The following MGST1 variants were observed in gnomAD, a reference collection of about 807,000 sequenced individuals.
MGST1 encodes glutathione S-transferase 12.
Under a neutral mutation model 8.9 loss-of-function variants are expected in MGST1, and 5 were observed. The ratio of observed to expected loss-of-function variants is 0.56; its 90% CI spans 0.29 to 1.19. MGST1 has a LOEUF of 1.19. Among genes scored for constraint, MGST1 ranks in the 50% most tolerant of loss-of-function variants. The pLI, the probability that MGST1 is intolerant of heterozygous loss-of-function variation, is 0.08. For missense variants in MGST1, 182 were observed against 187.4 expected, an observed-to-expected ratio of 0.97 and a Z score of 0.17; for synonymous variants, 54 against 67.8, an observed-to-expected ratio of 0.80 and a Z score of 1.00.
intron 1 of MGST1, among the ~76,000 whole-genome samples, chr12:16,393,792 G>A (rs1940574381): frequency 6.6e-6 from 1 of 152,126 alleles, no homozygotes; most frequent in Non-Finnish European, 1.5e-5. Flanking sequence ...CACCAGGAAT[G>A]TATTTAAACT....
At chr12:16,499,902 G>A (rs1941494526) in intron 4 of MGST1, among the ~76,000 whole-genome samples, 1 of 151,988 alleles carries the variant, frequency 6.6e-6, no homozygotes, top group African/African-American at 2.4e-5. Context: ...GTTTAGTAGT[G>A]CATGTTTTTA....
chr12:16,482,492 G>A lies in MGST1; in HGVS notation n.482+98888G>A, dbSNP rs896262645. 2.6e-5 allele frequency among the ~76,000 whole-genome samples: 4 copies of A among 152,046 alleles called. No homozygotes were observed. The highest frequency in any genetic ancestry group is 2.9e-5 in the Non-Finnish European group (2 of 67,996). ...CTAAAAATACAAAAATTAGCCAGGCGCAGTGGCAGGCGCCTGTAATCCTAG... is the reference window on the plus strand; with the variant it reads ...CTAAAAATACAAAAATTAGCCAGGCACAGTGGCAGGCGCCTGTAATCCTAG... On this transcript the variant is annotated intron_variant and non_coding_transcript_variant, in intron 4 of 4. Transcript: ENST00000538857. The surrounding 1 kb of genome is among the most constrained non-coding windows in gnomAD (Gnocchi z 4.2).
chr12:16,407,980 C>T (rs373002919), intron 1 of MGST1, among the ~76,000 whole-genome samples: 1 of 131,610 alleles, frequency 7.6e-6, no homozygotes, highest in Non-Finnish European at 1.5e-5. Flanking sequence ...TGCAGTGAGT[C>T]GAGATCACGC....
At chr12:16,378,627 C>T (rs1311560856), downstream of MGST1, among the ~76,000 whole-genome samples, 329 of 141,942 alleles carry the variant, frequency 2.3e-3, 4 homozygotes, top group African/African-American at 8.0e-3. Flanking sequence ...CTTGGCGATG[C>T]GGGCTCTTTT....
rs1223389094 is a variant in MGST1, at chr12:16,585,091, C to T, written n.483-4437C>T. Among the ~76,000 whole-genome samples the T allele has an allele frequency of 2.6e-5, 4 of 152,006 alleles. No homozygotes were observed. Among genetic ancestry groups the T allele is most frequent in the African/African-American group, 9.7e-5 (4 of 41,390 alleles). ...TCCAGAAAAATCAGCAACATTAGGCCCACATTCGTACAGTGTGCTGGAATT... is the reference window on the plus strand; with the variant it reads ...TCCAGAAAAATCAGCAACATTAGGCTCACATTCGTACAGTGTGCTGGAATT... On this transcript the variant is annotated intron_variant and non_coding_transcript_variant, in intron 4 of 4. Coordinates refer to the MGST1 transcript ENST00000538857. The surrounding 1 kb of genome is among the most constrained non-coding windows in gnomAD (Gnocchi z 4.7).
intron 1 of MGST1, among the ~76,000 whole-genome samples, chr12:16,404,178 C>A (rs1485855572): frequency 6.6e-6 from 1 of 152,062 alleles, no homozygotes; most frequent in Admixed American, 6.6e-5. Context: ...ACCTTTTGTC[C>A]TAACAACTTG....
chr12:16,354,976 T>C (rs1939645377), intron 2 of MGST1, among the ~76,000 whole-genome samples: 1 of 152,046 alleles, frequency 6.6e-6, no homozygotes, highest in African/African-American at 2.4e-5. Flanking sequence ...AGACAGATTC[T>C]GAAGCACATA....
intron 4 of MGST1, among the ~76,000 whole-genome samples, chr12:16,507,096 G>A (rs1591747443): frequency 6.6e-6 from 1 of 152,308 alleles, no homozygotes; most frequent in South Asian, 2.1e-4. Context: ...CAGCCTGGGA[G>A]AGTAGGGAGG....
intron 1 of MGST1, chr12:16,400,139 A>T: frequency 6.9e-7 from 1 of 1,453,056 alleles, no homozygotes; most frequent in Non-Finnish European, 9.7e-7. Context: ...TGCTCAGCAT[A>T]GAGGTCATCT....
chr12:16,507,931 T>C (rs1350227064), intron 4 of MGST1, among the ~76,000 whole-genome samples: 4 of 152,294 alleles, frequency 2.6e-5, no homozygotes, highest in African/African-American at 9.6e-5. Context: ...GAGATGGGAT[T>C]AGATATTCAC....
intron 4 of MGST1, among the ~76,000 whole-genome samples, chr12:16,563,227 G>C (rs907120284): frequency 6.6e-6 from 1 of 152,106 alleles, no homozygotes; most frequent in African/African-American, 2.4e-5. Flanking sequence ...CTAATTTACT[G>C]CAAAGCGATG....
intron 3 of MGST1, among the ~76,000 whole-genome samples, chr12:16,372,363 G>C (rs1429875355): frequency 1.3e-5 from 2 of 152,010 alleles, no homozygotes; most frequent in Non-Finnish European, 2.9e-5. Flanking sequence ...TTAAAAATGG[G>C]TAAAAGATCT....
intron 4 of MGST1, among the ~76,000 whole-genome samples, chr12:16,460,756 T>C (rs1941212723): frequency 6.6e-6 from 1 of 152,088 alleles, no homozygotes; most frequent in African/African-American, 2.4e-5. Flanking sequence ...AAACAGGTAG[T>C]TATTGAGTAG....
intron 4 of MGST1, among the ~76,000 whole-genome samples, chr12:16,459,453 C>T (rs1293957154): frequency 1.3e-5 from 2 of 152,076 alleles, no homozygotes; most frequent in African/African-American, 2.4e-5. Context: ...TCCTTTCTCC[C>T]TTTGGTTAGC....
At chr12:16,372,425 A>ATG (rs1940309804) in intron 3 of MGST1, among the ~76,000 whole-genome samples, 1 of 152,074 alleles carries the variant, frequency 6.6e-6, no homozygotes, top group African/African-American at 2.4e-5. Context: ...GTATATGAAA[A>ATG]AACACACAAC....
intron 4 of MGST1, among the ~76,000 whole-genome samples, chr12:16,518,568 T>C (rs986674868): frequency 2.0e-5 from 3 of 152,222 alleles, no homozygotes; most frequent in African/African-American, 7.2e-5. Flanking sequence ...CCTTGCCTGT[T>C]ATGCCCATTG....
At chr12:16,590,582 C>A (rs563403626), downstream of MGST1, among the ~76,000 whole-genome samples, 1 of 151,418 alleles carries the variant, frequency 6.6e-6, no homozygotes, top group East Asian at 1.9e-4. Context: ...CACATCTTTG[C>A]AATTTGTATT....
intron 4 of MGST1, chr12:16,573,608 C>T (rs1307625275): frequency 6.6e-6 from 1 of 152,112 alleles, no homozygotes; most frequent in African/African-American, 2.4e-5. Context: ...GAATCAATCC[C>T]ATGAAAGCAA....
chr12:16,364,791 C>T (rs1940154435), downstream of MGST1, among the ~76,000 whole-genome samples: 1 of 151,996 alleles, frequency 6.6e-6, no homozygotes, highest in South Asian at 2.1e-4. This position sits in a 1 kb window ranked among gnomAD's most constrained non-coding sequence, Gnocchi z 5.7. Flanking sequence ...TATTTTTGAT[C>T]CAGGATTCAA....
Sources: allele counts gnomAD v4.1 joint callset (sites outside exome capture counted in the v4.1 genomes callset), GRCh38; gene constraint gnomAD v4.1.1; non-coding constraint Gnocchi (gnomAD v3.1); transcripts MANE v1.5; gene names NCBI Gene and HGNC (gene_info 2026-07-23, HGNC 2026-07-21).